TCERG1L: variants seen among roughly 807,000 people sequenced by gnomAD.
The protein encoded by TCERG1L is transcription elongation regulator 1 like, also known as transcription elongation regulator 1-like protein.
In TCERG1L, 37 loss-of-function variants were observed where a neutral mutation model predicts 56.3. The observed-to-expected ratio is 0.66, with a 90% confidence interval of 0.51 to 0.87. The LOEUF (loss-of-function observed/expected upper bound fraction) is 0.87, where lower values mean the gene tolerates loss of function less well. Among genes scored for constraint, TCERG1L ranks in the 40% least tolerant of loss-of-function variants. TCERG1L has a pLI of 0.00. For synonymous variants in TCERG1L, 324 were observed against 326.3 expected (o/e 0.99, Z 0.08); for missense variants, 799 against 774.2 (o/e 1.03, Z -0.38).
At chr10:131,139,058 A>C (rs940299452) in intron 7 of TCERG1L, among the ~76,000 whole-genome samples, 2 of 152,216 alleles carry the variant, frequency 1.3e-5, no homozygotes, top group African/African-American at 2.4e-5. Flanking sequence ...CTCAAAATTA[A>C]AGCAATGCCA....
chr10:131,125,673 G>A (rs1845558142), intron 8 of TCERG1L, among the ~76,000 whole-genome samples: 1 of 152,240 alleles, frequency 6.6e-6, no homozygotes, highest in Non-Finnish European at 1.5e-5. Flanking sequence ...GGTGAGATGG[G>A]AGCACAGGGG....
intron 8 of TCERG1L, among the ~76,000 whole-genome samples, chr10:131,122,288 T>A (rs12571790): frequency 0.14 from 20,594 of 152,108 alleles, 1,755 homozygotes; most frequent in East Asian, 0.37. Context: ...ATGAGGCCAC[T>A]CACTGGGTTC....
chr10:131,245,583 G>A (rs549394898), intron 4 of TCERG1L, among the ~76,000 whole-genome samples: 7 of 152,260 alleles, frequency 4.6e-5, no homozygotes, highest in South Asian at 2.1e-4. Flanking sequence ...CGCAGCTCAC[G>A]GTCCTCCCTG....
At chr10:131,253,110 G>T (rs1187604971) in intron 4 of TCERG1L, among the ~76,000 whole-genome samples, 1 of 152,250 alleles carries the variant, frequency 6.6e-6, no homozygotes, top group Non-Finnish European at 1.5e-5. Flanking sequence ...TGGGCTCTTG[G>T]CCTGTGCCTG....
At position 131,146,668 on chromosome 10, in the gene TCERG1L, A is replaced by T; in HGVS notation, c.1035-8T>A. ...CCCGTCCAGACCACACACCTGTTTG[A>T]GTGGAAAAACTCATCTCAGTCGCTC... is the stretch of plus-strand genomic sequence containing the variant. On this transcript the variant is annotated splice_polypyrimidine_tract_variant and splice_region_variant and intron_variant, in intron 6 of 11. Transcript: ENST00000368642. 1 of 1,606,712 alleles carries T rather than the reference A, an allele frequency of 6.2e-7. No homozygotes were observed. Among genetic ancestry groups the T allele is most frequent in the East Asian group, 2.2e-5 (1 of 44,790 alleles).
At chr10:131,256,994 A>AAGGAAGGAAGGAAGGAAGGAAAGG (rs1554897149) in intron 4 of TCERG1L, among the ~76,000 whole-genome samples, 25 of 69,140 alleles carry the variant, frequency 3.6e-4, no homozygotes, top group African/African-American at 1.2e-3. Flanking sequence ...GGAAGGAAGG[A>AAGGAAGGAAGGAAGGAAGGAAAGG]AAGAAAGAAA....
intron 3 of TCERG1L, among the ~76,000 whole-genome samples, chr10:131,285,528 G>GAAAGAAAGA (rs1564833967): frequency 1.4e-4 from 2 of 14,394 alleles, no homozygotes; most frequent in African/African-American, 2.2e-4. Context: ...AAGAAAGAGA[G>GAAAGAAAGA]AAAGAAAAGA....
intron 9 of TCERG1L, among the ~76,000 whole-genome samples, chr10:131,106,163 A>C (rs1845349977): frequency 6.6e-6 from 1 of 152,256 alleles, no homozygotes; most frequent in Non-Finnish European, 1.5e-5. Context: ...TTAGAACATA[A>C]ATGCATTCAT....
chr10:131,255,233 GC>G (rs1846154584), intron 4 of TCERG1L, among the ~76,000 whole-genome samples: 1 of 152,200 alleles, frequency 6.6e-6, no homozygotes, highest in South Asian at 2.1e-4. Flanking sequence ...ACAAACAAAT[GC>G]TGCACAAAAG....
intron 4 of TCERG1L, among the ~76,000 whole-genome samples, chr10:131,182,872 G>A (rs1423040803): frequency 6.6e-6 from 1 of 152,132 alleles, no homozygotes; most frequent in Non-Finnish European, 1.5e-5. Flanking sequence ...TATTTCTAAA[G>A]GAAAGTTATT....
chr10:131,122,960 C>T (rs1845528294), intron 8 of TCERG1L, among the ~76,000 whole-genome samples: 1 of 152,242 alleles, frequency 6.6e-6, no homozygotes, highest in Admixed American at 6.5e-5. Flanking sequence ...GCTTCAATTG[C>T]ATTCAGCAGG....
intron 4 of TCERG1L, among the ~76,000 whole-genome samples, chr10:131,231,160 G>C (rs1003638819): frequency 6.6e-6 from 1 of 152,228 alleles, no homozygotes; most frequent in Admixed American, 6.5e-5. Flanking sequence ...GTTCTGAGCA[G>C]GCCACTGCCC....
chr10:131,222,498 A>G (rs1845744712), intron 4 of TCERG1L, among the ~76,000 whole-genome samples: 1 of 152,262 alleles, frequency 6.6e-6, no homozygotes, highest in Admixed American at 6.5e-5. Context: ...GTCAGAAGGC[A>G]GCCGCCACAC....
At chr10:131,100,068 T>C (rs1156591209) in intron 10 of TCERG1L, among the ~76,000 whole-genome samples, 2 of 152,090 alleles carry the variant, frequency 1.3e-5, no homozygotes, top group Admixed American at 6.5e-5. Flanking sequence ...GGTTTCACCA[T>C]GTTGGCCAGC....
chr10:131,122,692 G>C, intron 8 of TCERG1L, among the ~76,000 whole-genome samples: 1 of 152,314 alleles, frequency 6.6e-6, no homozygotes, highest in East Asian at 1.9e-4. Flanking sequence ...AGTTCTCTGA[G>C]TCATTCTAGC....
intron 4 of TCERG1L, among the ~76,000 whole-genome samples, chr10:131,221,865 C>T (rs1422886641): frequency 1.3e-5 from 2 of 152,212 alleles, no homozygotes; most frequent in Non-Finnish European, 2.9e-5. Flanking sequence ...AGTACCTTCC[C>T]GCACAGGGCA....
At chr10:131,159,036 G>A (rs1319633190) in intron 6 of TCERG1L, among the ~76,000 whole-genome samples, 3 of 152,142 alleles carry the variant, frequency 2.0e-5, no homozygotes, top group African/African-American at 4.8e-5. Flanking sequence ...CTGCAGCCCC[G>A]AACCCCGAGC....
chr10:131,158,979 C>A (rs546369715), intron 6 of TCERG1L, among the ~76,000 whole-genome samples: 1 of 152,180 alleles, frequency 6.6e-6, no homozygotes, highest in African/African-American at 2.4e-5. Flanking sequence ...CCTGAACTGG[C>A]CTTCTAAGAC....
intron 4 of TCERG1L, among the ~76,000 whole-genome samples, chr10:131,236,148 T>G (rs1051526165): frequency 6.6e-6 from 1 of 152,198 alleles, no homozygotes; most frequent in Non-Finnish European, 1.5e-5. Context: ...GTGTCTTGCC[T>G]ATATGCAAAC....
Sources: gnomAD v4.1 joint callset for allele counts (sites outside exome capture counted in the v4.1 genomes callset) on GRCh38, gnomAD v4.1.1 for gene constraint, MANE v1.5 for transcripts, NCBI Gene and HGNC (gene_info 2026-07-23, HGNC 2026-07-21) for gene names.